Variants in CHTF8 observed in about 807,000 individuals in gnomAD.
The protein encoded by CHTF8 is chromosome transmission fidelity protein 8 homolog.
A neutral mutation model predicts 11.0 loss-of-function variants in CHTF8; 6 were observed. The observed-to-expected ratio is 0.55, with a 90% confidence interval of 0.30 to 1.08. CHTF8 has a LOEUF of 1.08. CHTF8 is among the 50% of genes least tolerant of loss of function. The pLI, the probability that CHTF8 is intolerant of heterozygous loss-of-function variation, is 0.07. For missense variants in CHTF8, 140 were observed against 153.1 expected (o/e 0.91, Z 0.45); for synonymous variants, 53 against 60.5 (o/e 0.88, Z 0.57).
chr16:69,123,925 T>TAAAAAAA (rs757493986), intron 1 of CHTF8, among the ~76,000 whole-genome samples: 1 of 76,956 alleles, frequency 1.3e-5, no homozygotes, highest in Non-Finnish European at 2.5e-5. Flanking sequence ...CCATCTCTAC[T>TAAAAAAA]AAAAAAAAAA....
chr16:69,118,793 C>A lies in CHTF8; in HGVS notation c.*1632G>T. The A allele has an allele frequency of 4.6e-6, 3 of 655,426 alleles. No individual in the cohort carries two copies. Among genetic ancestry groups the A allele is most frequent in the East Asian group, 5.4e-5 (2 of 36,986 alleles). 40.6% of individuals were successfully genotyped at this position (655,426 alleles called of 1,614,324 possible). ...TCCACAACTACCCTTTTACCTAAGA[C>A]AGCCCCTGCCAAGAACCACAGTGCC... On this transcript the variant is annotated 3_prime_UTR_variant, in exon 4 of 4. Coordinates refer to ENST00000448552, the MANE Select transcript of CHTF8 (RefSeq NM_001039690.5).
In CHTF8 at chr16:69,118,037, C is replaced by G. The variant is rs1961281439; in HGVS notation, c.*2388G>C. The G allele has an allele frequency of 2.6e-6, 1 of 380,058 alleles. No homozygotes were observed. The highest frequency in any genetic ancestry group is 2.0e-5 in the African/African-American group (1 of 49,216). 23.5% of individuals were successfully genotyped at this position (380,058 alleles called of 1,614,324 possible). On this transcript the variant is annotated 3_prime_UTR_variant, in exon 4 of 4. Coordinates refer to ENST00000448552, the MANE Select transcript of CHTF8 (RefSeq NM_001039690.5). ...CCTCTCATCCCATTTATTAAAGAAA[C>G]AGTAAGAAAAGATACAATGCAGGAA...
intron 1 of CHTF8, among the ~76,000 whole-genome samples, chr16:69,131,606 C>T (rs941740286): frequency 6.7e-6 from 1 of 149,332 alleles, no homozygotes; most frequent in Non-Finnish European, 1.5e-5. Flanking sequence ...CGCTTCCCCC[C>T]TCTTCTCCAC....
At chr16:69,124,965 C>T (rs558693382) in intron 1 of CHTF8, among the ~76,000 whole-genome samples, 3 of 152,064 alleles carry the variant, frequency 2.0e-5, no homozygotes, top group Admixed American at 6.6e-5. Context: ...AGTGCAATGG[C>T]GCGATCTCGG....
chr16:69,128,529 C>T (rs955981306), intron 1 of CHTF8, among the ~76,000 whole-genome samples: 5 of 152,136 alleles, frequency 3.3e-5, no homozygotes, highest in South Asian at 2.1e-4. Flanking sequence ...TGGGCCTTCA[C>T]GCAGCTAAAT....
chr16:69,120,093 G>T lies in CHTF8; in HGVS notation c.*332C>A. ...GCCCCAAGAGGCCACCAGGCCTTGG[G>T]AAAGAAACTGCACCTGTGCCAGTGG... is the stretch of plus-strand genomic sequence containing the variant. On this transcript the variant is annotated 3_prime_UTR_variant, in exon 4 of 4. Coordinates refer to ENST00000448552, the MANE Select transcript of CHTF8 (RefSeq NM_001039690.5). This position sits in a 1 kb window ranked among gnomAD's most constrained non-coding sequence, Gnocchi z 4.0. 1.4e-6 allele frequency: 1 copy of T among 697,456 alleles called. No individual in the cohort carries two copies. The highest frequency in any genetic ancestry group is 1.5e-5 in the South Asian group (1 of 67,320). The allele number at this position is 697,456 out of a possible 1,614,324, so 43.2% of individuals were successfully genotyped here.
chr16:69,120,613 A>T lies in CHTF8; in HGVS notation c.178T>A (p.Tyr60Asn). 6.2e-7 allele frequency: 1 copy of T among 1,613,746 alleles called. No individual in the cohort carries two copies. Among genetic ancestry groups the T allele is most frequent in the Non-Finnish European group, 8.5e-7 (1 of 1,179,704 alleles). ...TTCTCCAGGTGGATGATTTTCCCAT[A>T]CAGGATATGATGCCCCACGATCAGC... is the stretch of plus-strand genomic sequence containing the variant. ...PVLIVGHHIL[Y>N]GKIIHLEKPF... Residue 60 changes from tyrosine (Y) to asparagine (N), a missense_variant, in exon 4 of 4, where the codon TAT (tyrosine) becomes AAT (asparagine). Transcript: ENST00000448552. This position sits in a 1 kb window ranked among gnomAD's most constrained non-coding sequence, Gnocchi z 4.0.
chr16:69,120,041 T>G lies in CHTF8; in HGVS notation c.*384A>C. ...CCTGGCAGAGCCCCTGTCCTAGGGT[T>G]TAGGGTGGGGCCTGGGCCTGGGCCT... On this transcript the variant is annotated 3_prime_UTR_variant, in exon 4 of 4. Transcript: ENST00000448552. The surrounding 1 kb of genome is among the most constrained non-coding windows in gnomAD (Gnocchi z 4.0). 2 of 689,614 alleles carry G rather than the reference T, an allele frequency of 2.9e-6. No homozygotes were observed. Among genetic ancestry groups the G allele is most frequent in the South Asian group, 3.0e-5 (2 of 66,498 alleles). The allele number at this position is 689,614 out of a possible 1,614,324, so 42.7% of individuals were successfully genotyped here. A position where few individuals can be genotyped will look rare whatever the true frequency, so the allele number is the denominator to read the frequency against.
At position 69,120,913 on chromosome 16, in the gene CHTF8, A is replaced by G; in HGVS notation, c.141+140T>C. 1.2e-6 allele frequency: 1 copy of G among 818,694 alleles called. No individual in the cohort carries two copies. The highest frequency in any genetic ancestry group is 2.2e-6 in the Non-Finnish European group (1 of 458,868). 50.7% of individuals were successfully genotyped at this position (818,694 alleles called of 1,614,324 possible). A position where few individuals can be genotyped will look rare whatever the true frequency, so the allele number is the denominator to read the frequency against. ...TCCCTGCTACTGCAGAGGTAGGGGG[A>G]GAACAAGCAGAGAGCATCGCAGATT... is the stretch of plus-strand genomic sequence containing the variant. On this transcript the variant is annotated intron_variant, in intron 3 of 3. Transcript: ENST00000448552. This position sits in a 1 kb window ranked among gnomAD's most constrained non-coding sequence, Gnocchi z 4.0.
chr16:69,125,385 T>G (rs1961983423), intron 1 of CHTF8, among the ~76,000 whole-genome samples: 1 of 152,152 alleles, frequency 6.6e-6, no homozygotes, highest in African/African-American at 2.4e-5. Context: ...ACAGATGAAG[T>G]CACTTGCTTG....
intron 1 of CHTF8, among the ~76,000 whole-genome samples, chr16:69,128,978 C>T (rs577229599): frequency 4.0e-5 from 6 of 151,490 alleles, no homozygotes; most frequent in South Asian, 4.2e-4. Context: ...GCAGGAAAAT[C>T]GCTTGATCCT....
At chr16:69,129,429 CAAAA>C (rs11420871) in intron 1 of CHTF8, among the ~76,000 whole-genome samples, 199 of 75,582 alleles carry the variant, frequency 2.6e-3, no homozygotes, top group African/African-American at 9.2e-3. Context: ...GACTCCGTCA[CAAAA>C]AAAAAAAAAA....
Position 69,132,552 on chromosome 16 carries a change from C to G in CHTF8, c.-104G>C, listed in dbSNP as rs1396814938. 2.8e-6 allele frequency: 1 copy of G among 362,314 alleles called. No homozygotes were observed. Among genetic ancestry groups the G allele is most frequent in the Non-Finnish European group, 5.4e-6 (1 of 184,420 alleles). 22.4% of individuals were successfully genotyped at this position (362,314 alleles called of 1,614,324 possible). A position where few individuals can be genotyped will look rare whatever the true frequency, so the allele number is the denominator to read the frequency against. ...CGACAACCGAACCTCCCGCCGCCGT[C>G]GCCGCCGCCGCGAGCACTGCCTGCG... is the stretch of plus-strand genomic sequence containing the variant. On this transcript the variant is annotated 5_prime_UTR_variant, in exon 1 of 4. Transcript: ENST00000448552.
rs1430798926 is a variant in CHTF8 at position 69,119,794 on chromosome 16, T to C, written c.*631A>G. On this transcript the variant is annotated 3_prime_UTR_variant, in exon 4 of 4. Coordinates refer to ENST00000448552, the MANE Select transcript of CHTF8 (RefSeq NM_001039690.5). ...TGTCCCTAAAAAGCCTGATCTCAGA[T>C]TGGGGTTTGGTCCTGGGCCCAGGCC... 10 of 700,370 alleles carry C rather than the reference T, an allele frequency of 1.4e-5. No homozygotes were observed. Among genetic ancestry groups the C allele is most frequent in the African/African-American group, 1.0e-4 (6 of 57,216 alleles). 43.4% of individuals were successfully genotyped at this position (700,370 alleles called of 1,614,324 possible). A position where few individuals can be genotyped will look rare whatever the true frequency, so the allele number is the denominator to read the frequency against.
At chr16:69,122,870 G>A (rs1389641319) in intron 1 of CHTF8, among the ~76,000 whole-genome samples, 1 of 151,686 alleles carries the variant, frequency 6.6e-6, no homozygotes, top group Non-Finnish European at 1.5e-5. Context: ...GTAGAGATGG[G>A]GTTTCACCAT....
chr16:69,129,177 T>TC (rs1487409686), intron 1 of CHTF8, among the ~76,000 whole-genome samples: 1 of 151,846 alleles, frequency 6.6e-6, no homozygotes, highest in Non-Finnish European at 1.5e-5. Flanking sequence ...ACACCTGTAA[T>TC]CCCAGCACTT....
rs1961315665 is a variant in CHTF8 at position 69,118,281 on chromosome 16, G to C, written c.*2144C>G. The stretch of plus-strand genomic sequence containing the variant: ...CCAGGAGAAGGGAGCTGCAGGCCCA[G>C]TCAGTCAAGCAGAAACTGCATTCGG... On this transcript the variant is annotated 3_prime_UTR_variant, in exon 4 of 4. Coordinates refer to ENST00000448552, the MANE Select transcript of CHTF8 (RefSeq NM_001039690.5). The C allele has an allele frequency of 3.2e-6, 3 of 941,096 alleles. No homozygotes were observed. Among genetic ancestry groups the C allele is most frequent in the Non-Finnish European group, 3.5e-6 (2 of 573,328 alleles). 58.3% of individuals were successfully genotyped at this position (941,096 alleles called of 1,614,324 possible).
chr16:69,123,968 G>A (rs1028932812), intron 1 of CHTF8, among the ~76,000 whole-genome samples: 1 of 151,500 alleles, frequency 6.6e-6, no homozygotes, highest in South Asian at 2.1e-4. Flanking sequence ...GCTGGGTGTG[G>A]TGGCGCACGC....
intron 1 of CHTF8, chr16:69,131,326 G>A (rs1807507020): frequency 6.6e-6 from 1 of 152,134 alleles, no homozygotes; most frequent in African/African-American, 2.4e-5. Context: ...TGGAAAAGAT[G>A]GCTTCAGTCG....
Sources: gnomAD v4.1 joint callset for allele counts (sites outside exome capture counted in the v4.1 genomes callset) on GRCh38, gnomAD v4.1.1 for gene constraint, Gnocchi (gnomAD v3.1) non-coding constraint, MANE v1.5 for transcripts, NCBI Gene and HGNC (gene_info 2026-07-23, HGNC 2026-07-21) for gene names.